LRRC1: variants seen among roughly 807,000 people sequenced by gnomAD.
LRRC1 encodes leucine-rich repeat-containing protein 1.
Under a neutral mutation model 69.9 loss-of-function variants are expected in LRRC1, and 28 were observed. The observed-to-expected ratio is 0.40, with a 90% CI of 0.30 to 0.55. LRRC1 has a LOEUF of 0.55. Ranked by LOEUF, LRRC1 falls within the 20% of genes least tolerant of loss-of-function variation. The pLI is 0.47. For missense variants in LRRC1, 498 were observed against 609.0 expected (o/e 0.82, Z 1.92); for synonymous variants, 236 against 240.2 (o/e 0.98, Z 0.16).
chr6:53,860,737 T>C (rs910362368), intron 2 of LRRC1, among the ~76,000 whole-genome samples: 1 of 152,192 alleles, frequency 6.6e-6, no homozygotes, highest in Non-Finnish European at 1.5e-5. Context: ...TTACTTCCCA[T>C]TGGAGGCAGT....
chr6:53,914,983 T>C lies in LRRC1; in HGVS notation c.1106+1014T>C, dbSNP rs73432425. On this transcript the variant is annotated intron_variant, in intron 11 of 13. Coordinates refer to ENST00000370888, the MANE Select transcript of LRRC1 (RefSeq NM_018214.5). ...CACATAATGGATGCCTGGTAAATAT[T>C]TTCAGTGGAACAAAAATGTTAATAG... Among the ~76,000 whole-genome samples the C allele has an allele frequency of 3.6e-3, 553 of 152,308 alleles. 4 individuals are homozygous for C. Among genetic ancestry groups the C allele is most frequent in the African/African-American group, 0.013 (536 of 41,554 alleles).
intron 11 of LRRC1, among the ~76,000 whole-genome samples, chr6:53,914,682 C>T (rs1009954944): frequency 1.1e-4 from 16 of 152,152 alleles, no homozygotes; most frequent in African/African-American, 2.9e-4. Flanking sequence ...ATGTCATATG[C>T]GCCTTCTCTG....
At chr6:53,898,661 G>T (rs902209758) in intron 7 of LRRC1, among the ~76,000 whole-genome samples, 1 of 152,154 alleles carries the variant, frequency 6.6e-6, no homozygotes, top group Non-Finnish European at 1.5e-5. Context: ...AATGATGATG[G>T]AAAGAGAAAG....
chr6:53,839,589 T>C (rs554090133), intron 1 of LRRC1, among the ~76,000 whole-genome samples: 1 of 152,320 alleles, frequency 6.6e-6, no homozygotes, highest in East Asian at 1.9e-4. Flanking sequence ...TAAATGACTT[T>C]TGCGGCTTGA....
intron 1 of LRRC1, among the ~76,000 whole-genome samples, chr6:53,841,172 C>T (rs1765776540): frequency 6.6e-6 from 1 of 152,196 alleles, no homozygotes; most frequent in Non-Finnish European, 1.5e-5. Flanking sequence ...CTGCCCTCAG[C>T]TGTGCTTAGC....
intron 1 of LRRC1, among the ~76,000 whole-genome samples, chr6:53,822,917 C>T (rs9474661): frequency 0.27 from 40,300 of 152,028 alleles, 5,473 homozygotes; most frequent in African/African-American, 0.29. Flanking sequence ...AGCCCTCCCG[C>T]GTCCTGGAAA....
intron 11 of LRRC1, among the ~76,000 whole-genome samples, chr6:53,918,077 C>G (rs1051813946): frequency 3.9e-5 from 6 of 152,236 alleles, no homozygotes; most frequent in African/African-American, 1.4e-4. Flanking sequence ...CCTTCTCTAG[C>G]TGTGAGCACA....
At chr6:53,798,267 A>G (rs1043909792) in intron 1 of LRRC1, among the ~76,000 whole-genome samples, 2 of 152,162 alleles carry the variant, frequency 1.3e-5, no homozygotes, top group Non-Finnish European at 2.9e-5. Context: ...GCATCCACCT[A>G]CTTCTCCCCC....
chr6:53,797,305 G>A (rs1764330485), intron 1 of LRRC1, among the ~76,000 whole-genome samples: 1 of 152,106 alleles, frequency 6.6e-6, no homozygotes, highest in Non-Finnish European at 1.5e-5. Flanking sequence ...CTTGCTAATG[G>A]ATTATTATTG....
intron 9 of LRRC1, 47 bp downstream of exon 9, chr6:53,902,794 TC>T: frequency 1.7e-6 from 2 of 1,201,168 alleles, no homozygotes; most frequent in Non-Finnish European, 2.4e-6. Context: ...TAGGGTAGAT[TC>T]TACTTAATTT....
At chr6:53,830,382 A>G (rs990048701) in intron 1 of LRRC1, among the ~76,000 whole-genome samples, 3 of 152,212 alleles carry the variant, frequency 2.0e-5, no homozygotes, top group Non-Finnish European at 4.4e-5. Context: ...GTTGGATACT[A>G]ATGGTCTGCC....
rs147999937 is a variant in LRRC1 at position 53,876,759 on chromosome 6, C to T, written c.278-2234C>T. Among the ~76,000 whole-genome samples, 233 of 152,336 alleles carry T rather than the reference C, an allele frequency of 1.5e-3. 2 individuals are homozygous for T. Among genetic ancestry groups the T allele is most frequent in the Non-Finnish European group, 2.1e-3 (146 of 68,032 alleles). ...TGCTGATGTAAGAGGTATGTTCCCA[C>T]GGTCTTGGACAGCTCTGCCCCTGTG... On this transcript the variant is annotated intron_variant, in intron 2 of 13. Transcript: ENST00000370888.
chr6:53,903,546 T>TA (rs374750888), intron 9 of LRRC1, among the ~76,000 whole-genome samples: 1 of 152,190 alleles, frequency 6.6e-6, no homozygotes, highest in Non-Finnish European at 1.5e-5. Flanking sequence ...ATTTTTTTTT[T>TA]ACTCTCTTTT....
At chr6:53,821,171 C>A (rs955983725) in intron 1 of LRRC1, among the ~76,000 whole-genome samples, 1 of 152,180 alleles carries the variant, frequency 6.6e-6, no homozygotes, top group East Asian at 1.9e-4. Context: ...AAAGCATTTG[C>A]GCTAATGCTG....
At chr6:53,804,266 CAAAT>C (rs1764574373) in intron 1 of LRRC1, among the ~76,000 whole-genome samples, 1 of 152,082 alleles carries the variant, frequency 6.6e-6, no homozygotes. Flanking sequence ...TTTTAATTGA[CAAAT>C]AATTGTATAC....
intron 1 of LRRC1, among the ~76,000 whole-genome samples, chr6:53,821,018 C>T (rs1562029978): frequency 6.6e-6 from 1 of 152,184 alleles, no homozygotes; most frequent in Non-Finnish European, 1.5e-5. Context: ...AGCTTGTTCT[C>T]TCTTTATTAT....
intron 8 of LRRC1, among the ~76,000 whole-genome samples, chr6:53,901,148 C>T (rs1023154435): frequency 6.6e-6 from 1 of 152,156 alleles, no homozygotes; most frequent in Non-Finnish European, 1.5e-5. Flanking sequence ...TAGGAAGCAG[C>T]AGCAAGCATG....
chr6:53,840,299 G>T (rs1475969781), intron 1 of LRRC1, among the ~76,000 whole-genome samples: 2 of 152,064 alleles, frequency 1.3e-5, no homozygotes, highest in Non-Finnish European at 2.9e-5. Flanking sequence ...AATTTTGAAG[G>T]CATTGCTTTA....
At chr6:53,820,716 G>C (rs535539087) in intron 1 of LRRC1, among the ~76,000 whole-genome samples, 21 of 152,170 alleles carry the variant, frequency 1.4e-4, no homozygotes, top group African/African-American at 5.1e-4. Context: ...GAAATTATTT[G>C]TGATGTAATA....
Sources: allele counts gnomAD v4.1 joint callset (sites outside exome capture counted in the v4.1 genomes callset), GRCh38; gene constraint gnomAD v4.1.1; transcripts MANE v1.5; gene names NCBI Gene and HGNC (gene_info 2026-07-23, HGNC 2026-07-21).